The following BAG3 variants were observed in gnomAD, a reference collection of about 807,000 sequenced individuals.
The protein encoded by BAG3 is BAG family molecular chaperone regulator 3.
In BAG3, 14 loss-of-function variants were observed where a neutral mutation model predicts 40.5. The observed-to-expected ratio is 0.35, with a 90% confidence interval of 0.23 to 0.54. The LOEUF (loss-of-function observed/expected upper bound fraction) is 0.54, where lower values mean the gene tolerates loss of function less well. Ranked by LOEUF, BAG3 falls within the 20% of genes least tolerant of loss-of-function variation. The pLI is 0.91. For missense variants in BAG3, 788 were observed against 758.6 expected (o/e 1.04, Z -0.46); for synonymous variants, 302 against 307.8 (o/e 0.98, Z 0.20).
chr10:119,677,268 C>G lies in BAG3; in HGVS notation c.1714C>G (p.Pro572Ala). 6.2e-7 allele frequency: 1 copy of G among 1,614,018 alleles called. No individual in the cohort carries two copies. The highest frequency in any genetic ancestry group is 1.7e-5 in the Admixed American group (1 of 60,018). The change falls in exon 4 of 4, where the codon CCA (proline) becomes GCA (alanine). Residue 572 changes from proline to alanine, a missense_variant. Pro to Ala is a conservative substitution (Grantham distance 27). Coordinates refer to ENST00000369085, the MANE Select transcript of BAG3 (RefSeq NM_004281.4). ...CAGCATGACAGACACCCCTGGTAAC[C>G]CAGCAGCACCGTAGCCTCTGCCCTG... ...PSSMTDTPGN[P>A]AAP is the part of the protein sequence containing the mutation.
chr10:119,667,890 A>AAGG (rs776780934), intron 1 of BAG3, among the ~76,000 whole-genome samples: 14 of 152,338 alleles, frequency 9.2e-5, no homozygotes, highest in Non-Finnish European at 1.8e-4. Flanking sequence ...TTTCGGCTGG[A>AAGG]AGGAGGAGGA....
Position 119,651,481 on chromosome 10 carries a change from G to A in BAG3, c.-195G>A, listed in dbSNP as rs1344072147. The stretch of plus-strand genomic sequence containing the variant: ...TATCTCCTCCTTCCCCTCTGGCAGC[G>A]AGGAGGCTATTTCCAGACACTTCCA... On this transcript the variant is annotated 5_prime_UTR_variant, in exon 1 of 4. Transcript: ENST00000369085. 2 of 453,600 alleles carry A rather than the reference G, an allele frequency of 4.4e-6. No homozygotes were observed. Among genetic ancestry groups the A allele is most frequent in the Non-Finnish European group, 7.5e-6 (2 of 266,372 alleles). 28.1% of individuals were successfully genotyped at this position (453,600 alleles called of 1,614,324 possible).
chr10:119,652,512 G>T (rs551283922), intron 1 of BAG3, among the ~76,000 whole-genome samples: 4 of 152,298 alleles, frequency 2.6e-5, no homozygotes, highest in African/African-American at 9.6e-5. Context: ...CAATATGAAC[G>T]TATCCTAGTA....
At chr10:119,663,571 C>T (rs1220750533) in intron 1 of BAG3, among the ~76,000 whole-genome samples, 1 of 152,130 alleles carries the variant, frequency 6.6e-6, no homozygotes, top group Non-Finnish European at 1.5e-5. Flanking sequence ...GCCTCGGCCT[C>T]CCAAAGTGCT....
intron 1 of BAG3, among the ~76,000 whole-genome samples, chr10:119,660,209 C>A (rs1162420940): frequency 1.3e-5 from 2 of 152,210 alleles, no homozygotes; most frequent in African/African-American, 4.8e-5. Flanking sequence ...CCAGGCGGAC[C>A]CTTCTGTGCC....
At chr10:119,666,775 G>T (rs899190444) in intron 1 of BAG3, among the ~76,000 whole-genome samples, 1 of 152,178 alleles carries the variant, frequency 6.6e-6, no homozygotes, top group Non-Finnish European at 1.5e-5. Context: ...GAGTGTGGGT[G>T]GGATGTGGCA....
chr10:119,659,668 G>A (rs1200913903), intron 1 of BAG3, among the ~76,000 whole-genome samples: 2 of 152,216 alleles, frequency 1.3e-5, no homozygotes, highest in East Asian at 3.8e-4. Context: ...TTTGGAAATT[G>A]TATTTTGTAC....
chr10:119,675,919 T>TCCTCCCTCCCCCCCCCCCCC (rs1847227864), intron 3 of BAG3, among the ~76,000 whole-genome samples: 3 of 10,130 alleles, frequency 3.0e-4, no homozygotes, highest in African/African-American at 1.0e-3. Flanking sequence ...CTTCCTTCCT[T>TCCTCCCTCCCCCCCCCCCCC]CCTCCCTCCC....
chr10:119,667,483 A>G lies in BAG3; in HGVS notation c.181-2368A>G, dbSNP rs563100709. Among the ~76,000 whole-genome samples the G allele has an allele frequency of 5.9e-5, 9 of 152,330 alleles. No individual in the cohort carries two copies. The South Asian group carries it at 1.9e-3, about 32-fold the overall frequency. ...AGCGAAGGCTTACAGAGGTAAGAGAATTACCCAAGCTCACAGAACTGTTAG... is the reference window on the plus strand; with the variant it reads ...AGCGAAGGCTTACAGAGGTAAGAGAGTTACCCAAGCTCACAGAACTGTTAG... On this transcript the variant is annotated intron_variant, in intron 1 of 3. Transcript: ENST00000369085.
At chr10:119,657,303 C>T (rs757395317) in intron 1 of BAG3, among the ~76,000 whole-genome samples, 3 of 152,134 alleles carry the variant, frequency 2.0e-5, no homozygotes, top group Non-Finnish European at 2.9e-5. Flanking sequence ...CTCCCTGGTC[C>T]GAAGCAGGCT....
intron 1 of BAG3, among the ~76,000 whole-genome samples, chr10:119,667,960 G>T (rs1847089222): frequency 6.6e-6 from 1 of 152,250 alleles, no homozygotes; most frequent in Non-Finnish European, 1.5e-5. Flanking sequence ...AGTAGCAGAG[G>T]GTTTCTTCAG....
At chr10:119,676,435 A>C in intron 3 of BAG3, 29 bp from the exon 4 acceptor site, 1 of 1,608,008 alleles carries the variant, frequency 6.2e-7, no homozygotes, top group Non-Finnish European at 8.5e-7. Context: ...GTCAGTTATT[A>C]AAAATATATT....
Position 119,670,102 on chromosome 10 carries a change from C to G in BAG3, c.432C>G (p.Thr144=). 1 of 1,613,720 alleles carries G rather than the reference C, an allele frequency of 6.2e-7. No individual in the cohort carries two copies. Among genetic ancestry groups the G allele is most frequent in the Non-Finnish European group, 8.5e-7 (1 of 1,179,630 alleles). The part of the protein sequence containing the change: ...SQSPLRGMPE[T]TQPDKQCGQV... Reference sequence around the variant, plus strand: ...CACCTCTGCGGGGCATGCCAGAAACCACTCAGCCAGATAAACAGTGTGGAC... The same window carrying G: ...CACCTCTGCGGGGCATGCCAGAAACGACTCAGCCAGATAAACAGTGTGGAC... The change falls in exon 2 of 4, where the codon ACC becomes ACG. Residue 144 remains threonine, a synonymous_variant. Coordinates refer to ENST00000369085, the MANE Select transcript of BAG3 (RefSeq NM_004281.4).
At chr10:119,659,792 A>G (rs966527945) in intron 1 of BAG3, among the ~76,000 whole-genome samples, 2 of 152,224 alleles carry the variant, frequency 1.3e-5, no homozygotes, top group African/African-American at 4.8e-5. Context: ...ATGGAAATGT[A>G]GCAGTTGAGA....
rs1554877581 is a variant in BAG3 at position 119,675,778 on chromosome 10, T to TCCTTCCCTCCCCCTCCCTTC, written c.910-684_910-683insTTCCCTCCCCCTCCCTTCCC. ...TTCCTTCCTTCCTTCCCTCCTTCCC[T>TCCTTCCCTCCCCCTCCCTTC]CCCCCTCCCTTCCCCCCTTCCCCTT... On this transcript the variant is annotated intron_variant, in intron 3 of 3. Coordinates refer to ENST00000369085, the MANE Select transcript of BAG3 (RefSeq NM_004281.4). Among the ~76,000 whole-genome samples, 241 of 61,518 alleles carry TCCTTCCCTCCCCCTCCCTTC rather than the reference T, an allele frequency of 3.9e-3. 2 individuals carry two copies. The highest frequency in any genetic ancestry group is 6.2e-3 in the Non-Finnish European group (195 of 31,354). The allele number at this position is 61,518 out of a possible 152,430, so 40.4% of individuals were successfully genotyped here.
chr10:119,664,481 C>T (rs1847032826), intron 1 of BAG3, among the ~76,000 whole-genome samples: 1 of 152,152 alleles, frequency 6.6e-6, no homozygotes, highest in Non-Finnish European at 1.5e-5. Flanking sequence ...AATATGTGTT[C>T]CTGATGTCTT....
At position 119,677,159 on chromosome 10, in the gene BAG3, C is replaced by T. The variant is rs200427679; in HGVS notation, c.1605C>T (p.Gly535=). ...TGGGTGCCGTGGCAGCAGACAAGGG[C>T]AAGAAAAATGCTGGAAATGCAGAAG... The part of the protein sequence containing the change: ...MEMGAVAADK[G]KKNAGNAEDP... Residue 535 remains glycine, a synonymous_variant, in exon 4 of 4, where the codon GGC becomes GGT. Coordinates refer to ENST00000369085, the MANE Select transcript of BAG3 (RefSeq NM_004281.4). The T allele has an allele frequency of 3.7e-6, 6 of 1,614,056 alleles. No individual in the cohort carries two copies. Among genetic ancestry groups the T allele is most frequent in the Non-Finnish European group, 5.1e-6 (6 of 1,180,006 alleles).
rs1564774896 is a variant in BAG3 at position 119,672,886 on chromosome 10, T to C, written c.909+230T>C. Among the ~76,000 whole-genome samples the C allele has an allele frequency of 6.6e-6, 1 of 152,132 alleles. No homozygotes were observed. The highest frequency in any genetic ancestry group is 2.1e-4 in the South Asian group (1 of 4,830). On this transcript the variant is annotated intron_variant, in intron 3 of 3. Coordinates refer to ENST00000369085, the MANE Select transcript of BAG3 (RefSeq NM_004281.4). The surrounding 1 kb of genome is among the most constrained non-coding windows in gnomAD (Gnocchi z 4.8). ...TTTTGCTGGGCTGATCATTGTGCAT[T>C]GCGGCTGACTTAGAGCAGACGAAAC...
rs768201611 is a variant in BAG3 at position 119,672,347 on chromosome 10, G to C, written c.600G>C (p.Gln200His). The C allele has an allele frequency of 6.2e-7, 1 of 1,614,086 alleles. No homozygotes were observed. Among genetic ancestry groups the C allele is most frequent in the East Asian group, 2.2e-5 (1 of 44,854 alleles). Reference protein sequence around the residue: ...SSGRSSLGSHQLPRGYISIPV... With the variant: ...SSGRSSLGSHHLPRGYISIPV... ...GCAGGAGCAGCCTGGGCAGTCACCA[G>C]CTCCCGCGGGGGTACATCTCCATTC... The change falls in exon 3 of 4, where the codon CAG becomes CAC. Residue 200 changes from glutamine to histidine, a missense_variant. Gln to His is a conservative substitution (Grantham distance 24, BLOSUM62 0). Transcript: ENST00000369085. The surrounding 1 kb of genome is among the most constrained non-coding windows in gnomAD (Gnocchi z 4.8).
Sources: gnomAD v4.1 joint callset for allele counts (sites outside exome capture counted in the v4.1 genomes callset) on GRCh38, gnomAD v4.1.1 for gene constraint, Gnocchi (gnomAD v3.1) non-coding constraint, MANE v1.5 for transcripts, NCBI Gene and HGNC (gene_info 2026-07-23, HGNC 2026-07-21) for gene names.